The following ZBTB41 variants were observed in gnomAD, a reference collection of about 807,000 sequenced individuals.
ZBTB41 encodes zinc finger and BTB domain-containing protein 41.
In ZBTB41, 42 loss-of-function variants were observed where a neutral mutation model predicts 87.6. The ratio of observed to expected loss-of-function variants is 0.48; its 90% CI spans 0.37 to 0.62. ZBTB41 has a LOEUF of 0.62. ZBTB41 is among the 20% of genes least tolerant of loss of function. The probability of loss-of-function intolerance (pLI) is 0.00; values close to 1 mark genes in which losing one functional copy is unlikely to be tolerated. For missense variants in ZBTB41, 799 were observed against 1,078.9 expected (o/e 0.74, Z 3.63); for synonymous variants, 364 against 364.0 (o/e 1.00, Z 0.00).
At chr1:197,174,767 G>A (rs1374039428) in intron 9 of ZBTB41, among the ~76,000 whole-genome samples, 2 of 151,966 alleles carry the variant, frequency 1.3e-5, no homozygotes. Flanking sequence ...GCAACCAAAT[G>A]CCAAGATTTT....
chr1:197,181,171 G>C (rs1204499878), intron 5 of ZBTB41, 54 bp from the exon 6 acceptor site: 1 of 1,503,320 alleles, frequency 6.7e-7, no homozygotes, highest in Non-Finnish European at 8.8e-7. Flanking sequence ...GAGATACTAA[G>C]TTAAATTTAA....
At chr1:197,194,642 A>T (rs1458041528) in intron 2 of ZBTB41, among the ~76,000 whole-genome samples, 1 of 151,612 alleles carries the variant, frequency 6.6e-6, no homozygotes, top group Non-Finnish European at 1.5e-5. Flanking sequence ...AAGAAGAAGA[A>T]GAAGGAAGTT....
intron 5 of ZBTB41, among the ~76,000 whole-genome samples, chr1:197,186,139 A>C (rs1046510784): frequency 1.3e-5 from 2 of 152,154 alleles, no homozygotes; most frequent in African/African-American, 4.8e-5. Flanking sequence ...AAAAAAGATC[A>C]ACAGAACAGA....
chr1:197,191,715 C>T lies in ZBTB41; in HGVS notation c.1305G>A (p.Lys435=). Residue 435 remains lysine (K), a synonymous_variant, in exon 3 of 11, where the codon AAG becomes AAA. Transcript: ENST00000367405. The part of the protein sequence containing the change: ...PYCNKLHASK[K]TLAKHVKRFH... Reference sequence around the variant, plus strand: ...GCCTCTTAACATGCTTGGCTAAAGTCTTCTTGCTTGCATGAAGTTTATTAC... The same window carrying T: ...GCCTCTTAACATGCTTGGCTAAAGTTTTCTTGCTTGCATGAAGTTTATTAC... 6.2e-7 allele frequency: 1 copy of T among 1,612,716 alleles called. No homozygotes were observed. Among genetic ancestry groups the T allele is most frequent in the East Asian group, 2.2e-5 (1 of 44,820 alleles).
intron 2 of ZBTB41, among the ~76,000 whole-genome samples, chr1:197,196,355 T>C (rs1212435136): frequency 6.6e-6 from 1 of 152,206 alleles, no homozygotes; most frequent in Non-Finnish European, 1.5e-5. Flanking sequence ...ATTCTTTTCA[T>C]TCTACTCATC....
intron 4 of ZBTB41, among the ~76,000 whole-genome samples, chr1:197,189,830 C>T (rs376295889): frequency 2.6e-5 from 4 of 152,130 alleles, no homozygotes; most frequent in African/African-American, 9.7e-5. Context: ...AAAAAAAGAC[C>T]GAAGTAGAGA....
At chr1:197,186,657 T>G (rs561294967) in intron 5 of ZBTB41, among the ~76,000 whole-genome samples, 12 of 151,362 alleles carry the variant, frequency 7.9e-5, no homozygotes, top group African/African-American at 2.9e-4. Flanking sequence ...AGGTCAGGAG[T>G]TCAAGACCAG....
At position 197,189,329 on chromosome 1, in the gene ZBTB41, C is replaced by T. The variant is rs552788640; in HGVS notation, c.1399-890G>A. On this transcript the variant is annotated intron_variant, in intron 4 of 10. Transcript: ENST00000367405. The stretch of plus-strand genomic sequence containing the variant: ...TCACCTGGGGTCAGAACTTCAAGAT[C>T]GGCCTGGCCAACATAGTGAAACCCC... 9.5e-4 allele frequency among the ~76,000 whole-genome samples: 144 copies of T among 152,126 alleles called. 1 individual carries two copies. The highest frequency in any genetic ancestry group is 1.7e-3 in the Non-Finnish European group (117 of 67,986).
chr1:197,166,193 T>TA (rs946966955), intron 10 of ZBTB41, among the ~76,000 whole-genome samples: 13 of 146,276 alleles, frequency 8.9e-5, no homozygotes, highest in Middle Eastern at 3.4e-3. Flanking sequence ...AGTATAATAA[T>TA]AAAAAAAAAG....
intron 3 of ZBTB41, among the ~76,000 whole-genome samples, chr1:197,191,456 C>CA (rs537220441): frequency 0.02 from 1,729 of 85,212 alleles, 37 homozygotes; most frequent in African/African-American, 0.065. Context: ...AGCCCTACTT[C>CA]AAAAAAAAAA....
intron 10 of ZBTB41, among the ~76,000 whole-genome samples, chr1:197,161,601 C>G (rs942485144): frequency 1.8e-4 from 11 of 59,662 alleles, no homozygotes; most frequent in African/African-American, 4.7e-4. Flanking sequence ...ATTAGAGAGG[C>G]AGTGAGACAT....
intron 4 of ZBTB41, among the ~76,000 whole-genome samples, chr1:197,190,154 C>T (rs1458316757): frequency 6.6e-6 from 1 of 152,148 alleles, no homozygotes; most frequent in African/African-American, 2.4e-5. Context: ...CTCCTGACCT[C>T]AGGTGATCCA....
At chr1:197,192,100 T>A (rs912303677) in intron 2 of ZBTB41, among the ~76,000 whole-genome samples, 6 of 152,106 alleles carry the variant, frequency 3.9e-5, no homozygotes, top group African/African-American at 9.7e-5. Context: ...GTTCAAAGTG[T>A]ACTTTTCCTC....
chr1:197,183,501 C>T (rs765676524), intron 5 of ZBTB41, among the ~76,000 whole-genome samples: 2 of 152,120 alleles, frequency 1.3e-5, no homozygotes, highest in Non-Finnish European at 2.9e-5. Flanking sequence ...GTCAACCTAA[C>T]CCAGTAAATG....
At chr1:197,191,595 G>T in intron 3 of ZBTB41, 97 bp downstream of exon 3, 1 of 932,508 alleles carries the variant, frequency 1.1e-6, no homozygotes, top group Non-Finnish European at 1.5e-6. Flanking sequence ...TCCAATGAAA[G>T]AATTGGAGAT....
At chr1:197,178,670 T>A (rs61819119) in intron 6 of ZBTB41, among the ~76,000 whole-genome samples, 158 bp from the exon 7 acceptor site, 46,023 of 152,066 alleles carry the variant, frequency 0.3, 8,721 homozygotes, top group Middle Eastern at 0.44. Context: ...CTCACTAGTA[T>A]ACAAACATGC....
At chr1:197,190,420 T>C (rs1659999528) in intron 4 of ZBTB41, among the ~76,000 whole-genome samples, 1 of 152,226 alleles carries the variant, frequency 6.6e-6, no homozygotes, top group Non-Finnish European at 1.5e-5. Context: ...TTGATATAGT[T>C]TATTATGTTA....
chr1:197,159,945 A>C lies in ZBTB41; in HGVS notation c.2144T>G (p.Leu715Arg), dbSNP rs369801303. 2.5e-6 allele frequency: 4 copies of C among 1,613,648 alleles called. No individual in the cohort carries two copies. Among genetic ancestry groups the C allele is most frequent in the African/African-American group, 2.7e-5 (2 of 74,888 alleles). ...AGGTCGGGCATCAGAATGAATAACC[A>C]GGTGTTTTGTTAATGTTTTCTTAAT... Reference protein sequence around the residue: ...FRIKKTLTKHLVIHSDARPFN... With the variant: ...FRIKKTLTKHRVIHSDARPFN... The change falls in exon 11 of 11, where the codon CTG (leucine) becomes CGG (arginine). Residue 715 changes from leucine to arginine, a missense_variant. By Grantham distance (102) the Leu-to-Arg change is moderately radical. This residue lies in a region of ZBTB41 where 198 missense variants were observed against 358.4 expected (regional missense o/e 0.55). Transcript: ENST00000367405.
chr1:197,174,240 C>T (rs1270081891), intron 9 of ZBTB41, among the ~76,000 whole-genome samples: 1 of 152,028 alleles, frequency 6.6e-6, no homozygotes, highest in Non-Finnish European at 1.5e-5. Flanking sequence ...AAAAAAAGAA[C>T]TTAAAAATGC....
Sources: gnomAD v4.1 joint callset for allele counts (sites outside exome capture counted in the v4.1 genomes callset) on GRCh38, gnomAD v4.1.1 for gene constraint, gnomAD v4.1.1 regional missense constraint, MANE v1.5 for transcripts, NCBI Gene and HGNC (gene_info 2026-07-23, HGNC 2026-07-21) for gene names.